Variants in KIAA1671 observed in about 807,000 individuals in gnomAD.
KIAA1671 encodes the protein uncharacterized protein KIAA1671.
Under a neutral mutation model 131.2 loss-of-function variants are expected in KIAA1671, and 52 were observed. The ratio of observed to expected loss-of-function variants is 0.40; its 90% confidence interval spans 0.32 to 0.50. The LOEUF (loss-of-function observed/expected upper bound fraction) is 0.50, where lower values mean the gene tolerates loss of function less well. Ranked by LOEUF, KIAA1671 falls within the 20% of genes least tolerant of loss-of-function variation. The probability of loss-of-function intolerance (pLI) is 0.73; values close to 1 mark genes in which losing one functional copy is unlikely to be tolerated. For missense variants in KIAA1671, 2,360 were observed against 2,364.2 expected, an observed-to-expected ratio of 1.00 and a Z score of 0.04; for synonymous variants, 1,003 against 961.6, an observed-to-expected ratio of 1.04 and a Z score of -0.80.
Position 25,028,649 on chromosome 22 carries a change from C to A in KIAA1671, c.650C>A (p.Pro217His). ...VPQEEAGQDH[P>H]PSKASSVEDT... ...CAAGAGGAGGCAGGCCAAGACCATC[C>A]TCCCTCAAAGGCCAGCAGTGTGGAG... Residue 217 changes from proline (P) to histidine (H), a missense_variant, in exon 3 of 13, where the codon CCT (proline) becomes CAT (histidine). Transcript: ENST00000358431. 3 of 1,551,184 alleles carry A rather than the reference C, an allele frequency of 1.9e-6. No homozygotes were observed. Among genetic ancestry groups the A allele is most frequent in the Middle Eastern group, 1.7e-4 (1 of 5,992 alleles).
intron 6 of KIAA1671, among the ~76,000 whole-genome samples, chr22:25,065,460 G>A (rs1306746493): frequency 6.6e-6 from 1 of 152,056 alleles, no homozygotes; most frequent in South Asian, 2.1e-4. Context: ...CTTCTCACAG[G>A]CTGGAAGATG....
intron 6 of KIAA1671, among the ~76,000 whole-genome samples, chr22:25,093,732 C>CTCTCTCTT (rs759879869): frequency 9.0e-6 from 1 of 111,528 alleles, no homozygotes; most frequent in Non-Finnish European, 1.8e-5. Flanking sequence ...CACACACACA[C>CTCTCTCTT]ACACACTCTC....
Position 25,028,686 on chromosome 22 carries a change from C to T in KIAA1671, c.687C>T (p.Arg229=). The T allele has an allele frequency of 5.2e-6, 8 of 1,551,182 alleles. No individual in the cohort carries two copies. Among genetic ancestry groups the T allele is most frequent in the South Asian group, 3.6e-5 (3 of 84,068 alleles). Residue 229 remains arginine (R), a synonymous_variant, in exon 3 of 13, where the codon CGC becomes CGT. Coordinates refer to ENST00000358431, the MANE Select transcript of KIAA1671 (RefSeq NM_001145206.2). ...SKASSVEDTA[R]PLVEPRPRLK... Reference sequence around the variant, plus strand: ...CCAGCAGTGTGGAGGACACGGCACGCCCCCTTGTGGAGCCCAGGCCTCGCC... The same window carrying T: ...CCAGCAGTGTGGAGGACACGGCACGTCCCCTTGTGGAGCCCAGGCCTCGCC...
chr22:25,068,678 T>C (rs1282603356), intron 6 of KIAA1671, among the ~76,000 whole-genome samples: 3 of 152,178 alleles, frequency 2.0e-5, no homozygotes, highest in Admixed American at 6.5e-5. Context: ...CCTCATGATC[T>C]GCCCACCTTG....
rs1377261862 is a variant in KIAA1671 at position 25,177,373 on chromosome 22, C to T, written c.4925C>T (p.Ala1642Val). The T allele has an allele frequency of 1.9e-5, 30 of 1,551,352 alleles. No individual in the cohort carries two copies. Among genetic ancestry groups the T allele is most frequent in the Non-Finnish European group, 2.5e-5 (29 of 1,146,890 alleles). Residue 1642 changes from alanine to valine, a missense_variant, in exon 9 of 13, where the codon GCC becomes GTC. Around this residue, in one of 3 missense-constraint regions of KIAA1671, gnomAD observed 1,161 missense variants for 1,204.7 expected, o/e 0.96. Transcript: ENST00000358431. ...IDQTSVLDSS[A>V]LKTRVQLSKR... ...CAAACCTCAGTCCTCGACTCAAGTG[C>T]CCTCAAGACCCGGGTGCAGCTCAGC...
intron 1 of KIAA1671, among the ~76,000 whole-genome samples, chr22:25,016,811 C>T (rs1276238641): frequency 6.6e-6 from 1 of 152,170 alleles, no homozygotes; most frequent in Non-Finnish European, 1.5e-5. Flanking sequence ...TGGGGCTTCA[C>T]CTGGGAGGGT....
chr22:25,085,027 T>G (rs1929630918), intron 6 of KIAA1671, among the ~76,000 whole-genome samples: 1 of 152,350 alleles, frequency 6.6e-6, no homozygotes, highest in Non-Finnish European at 1.5e-5. Flanking sequence ...GTCACTTCTG[T>G]TCTCTGCTGG....
At chr22:25,159,443 A>T (rs533194120) in intron 6 of KIAA1671, among the ~76,000 whole-genome samples, 1 of 152,084 alleles carries the variant, frequency 6.6e-6, no homozygotes, top group South Asian at 2.1e-4. Flanking sequence ...ATACTGGGGG[A>T]TCTGATTTAG....
intron 6 of KIAA1671, among the ~76,000 whole-genome samples, chr22:25,156,727 G>C (rs966759548): frequency 1.3e-5 from 2 of 150,446 alleles, no homozygotes; most frequent in Non-Finnish European, 3.0e-5. Flanking sequence ...GTGTGTGCGT[G>C]CATCTGTCTG....
chr22:25,136,940 G>A (rs1038012971), intron 6 of KIAA1671, among the ~76,000 whole-genome samples: 3 of 152,190 alleles, frequency 2.0e-5, no homozygotes, highest in African/African-American at 4.8e-5. Flanking sequence ...TCAGGCATTA[G>A]GAAATGTGAA....
chr22:25,104,756 C>A (rs1273193278), intron 6 of KIAA1671, among the ~76,000 whole-genome samples: 1 of 150,710 alleles, frequency 6.6e-6, no homozygotes, highest in East Asian at 1.9e-4. Flanking sequence ...TTTTTTTTTT[C>A]CTATTTCTTT....
intron 1 of KIAA1671, chr22:25,010,864 A>C (rs1004492649): frequency 6.6e-6 from 1 of 152,216 alleles, no homozygotes; most frequent in Non-Finnish European, 1.5e-5. Context: ...GTTATTTTCC[A>C]TGTCACTATC....
chr22:25,145,260 G>A (rs1399202477), intron 6 of KIAA1671, among the ~76,000 whole-genome samples: 2 of 152,210 alleles, frequency 1.3e-5, no homozygotes, highest in African/African-American at 4.8e-5. Context: ...TCCCCAGTGG[G>A]GGTGGGTTGA....
chr22:25,108,127 T>C (rs1029737832), intron 6 of KIAA1671, among the ~76,000 whole-genome samples: 7 of 152,346 alleles, frequency 4.6e-5, no homozygotes, highest in African/African-American at 1.7e-4. Context: ...TTCCAGGAAA[T>C]ATATATCAGT....
At chr22:24,984,912 CAAAAAAAAAAAA>C (rs60969204) in intron 1 of KIAA1671, among the ~76,000 whole-genome samples, 39 of 54,458 alleles carry the variant, frequency 7.2e-4, no homozygotes, top group Admixed American at 1.2e-3. Flanking sequence ...GACTACGTCT[CAAAAAAAAAAAA>C]AAAAAAAAAA....
At chr22:25,093,882 C>CTG in intron 6 of KIAA1671, among the ~76,000 whole-genome samples, 2 of 126,978 alleles carry the variant, frequency 1.6e-5, no homozygotes, top group African/African-American at 3.0e-5. Context: ...CTCTCTCTCT[C>CTG]TCTCCCTTCT....
chr22:25,155,344 T>C (rs1172786135), intron 6 of KIAA1671, among the ~76,000 whole-genome samples: 3 of 152,144 alleles, frequency 2.0e-5, no homozygotes, highest in Admixed American at 2.0e-4. Flanking sequence ...GGACCATTCA[T>C]TTGTGTGTGC....
At chr22:25,071,982 C>T (rs746989911) in intron 6 of KIAA1671, among the ~76,000 whole-genome samples, 5 of 152,040 alleles carry the variant, frequency 3.3e-5, no homozygotes, top group East Asian at 1.9e-4. Context: ...GATATGGTCT[C>T]GTTGGGGTGC....
chr22:24,979,877 T>C (rs961687536), intron 1 of KIAA1671, among the ~76,000 whole-genome samples: 2 of 152,156 alleles, frequency 1.3e-5, no homozygotes, highest in Non-Finnish European at 2.9e-5. Flanking sequence ...AAGTGAACCA[T>C]ACAGTATTTG....
Sources: gnomAD v4.1 joint callset for allele counts (sites outside exome capture counted in the v4.1 genomes callset) on GRCh38, gnomAD v4.1.1 for gene constraint, gnomAD v4.1.1 regional missense constraint, MANE v1.5 for transcripts, NCBI Gene and HGNC (gene_info 2026-07-23, HGNC 2026-07-21) for gene names.